Variants in DIAPH3 observed in about 807,000 individuals in gnomAD.
DIAPH3 encodes diaphanous related formin 3, also known as protein diaphanous homolog 3.
In DIAPH3, 117 loss-of-function variants were observed where a neutral mutation model predicts 144.3. The ratio of observed to expected loss-of-function variants is 0.81; its 90% confidence interval spans 0.70 to 0.95. DIAPH3 has a LOEUF of 0.95. Ranked by LOEUF, DIAPH3 falls within the 40% of genes least tolerant of loss-of-function variation. The pLI is 0.00. For missense variants in DIAPH3, 1,421 were observed against 1,412.7 expected (o/e 1.01, Z -0.09); for synonymous variants, 519 against 488.9 (o/e 1.06, Z -0.81).
At chr13:60,010,766 AT>A in intron 7 of DIAPH3, 97 bp from the exon 8 acceptor site, 3 of 1,212,344 alleles carry the variant, frequency 2.5e-6, no homozygotes, top group Non-Finnish European at 3.5e-6. Context: ...TTTATAGGAC[AT>A]TTTTACACTT....
In DIAPH3 at chr13:59,743,460, G is replaced by A. The variant is rs112122997; in HGVS notation, c.3319+30729C>T. On this transcript the variant is annotated intron_variant, in intron 27 of 27. Transcript: ENST00000400324. Reference sequence around the variant, plus strand: ...TTGGTGTTTGGGAGGTGAGATAAGAGGACAGAGATGTACCTTGTTGGGGGT... The same window carrying A: ...TTGGTGTTTGGGAGGTGAGATAAGAAGACAGAGATGTACCTTGTTGGGGGT... 4.8e-3 allele frequency among the ~76,000 whole-genome samples: 728 copies of A among 152,202 alleles called. 4 individuals are homozygous for A. The highest frequency in any genetic ancestry group is 7.7e-3 in the Non-Finnish European group (526 of 68,004).
intron 27 of DIAPH3, among the ~76,000 whole-genome samples, chr13:59,687,586 C>T (rs1218551854): frequency 1.3e-5 from 2 of 151,958 alleles, no homozygotes; most frequent in Non-Finnish European, 2.9e-5. Context: ...GATAAGACGT[C>T]AGGACAAAAT....
At chr13:59,880,978 C>CAAAAA (rs77481523) in intron 20 of DIAPH3, among the ~76,000 whole-genome samples, 787 of 64,624 alleles carry the variant, frequency 0.012, 7 homozygotes, top group Admixed American at 0.072. Context: ...CAACAAGGAC[C>CAAAAA]AAAAAAAAAA....
chr13:59,875,755 T>C (rs1566450909), intron 21 of DIAPH3, among the ~76,000 whole-genome samples: 1 of 152,190 alleles, frequency 6.6e-6, no homozygotes, highest in Non-Finnish European at 1.5e-5. Context: ...AATTCAGTTA[T>C]GTTTACCTTA....
chr13:60,051,539 G>A (rs2056344960), intron 4 of DIAPH3, among the ~76,000 whole-genome samples: 1 of 152,050 alleles, frequency 6.6e-6, no homozygotes. Context: ...ACAATTGCTT[G>A]AACCTGGGAA....
intron 24 of DIAPH3, among the ~76,000 whole-genome samples, chr13:59,823,298 T>A (rs1046741654): frequency 1.3e-5 from 2 of 152,176 alleles, no homozygotes; most frequent in Non-Finnish European, 2.9e-5. Flanking sequence ...CAGAATTAAA[T>A]TATTTTTCAA....
At chr13:59,948,846 AAGG>A (rs2048940411) in intron 17 of DIAPH3, among the ~76,000 whole-genome samples, 2 of 63,046 alleles carry the variant, frequency 3.2e-5, no homozygotes, top group East Asian at 8.7e-4. Context: ...AGAAAGAAGG[AAGG>A]AAGGAAGGAA....
Position 59,983,837 on chromosome 13 carries a change from T to C in DIAPH3, c.1412A>G (p.His471Arg), listed in dbSNP as rs1486739426. 7 of 1,610,186 alleles carry C rather than the reference T, an allele frequency of 4.3e-6. No homozygotes were observed. The African/African-American group carries it at 8.0e-5, about 18-fold the overall frequency. Residue 471 changes from histidine (H) to arginine (R), a missense_variant, in exon 13 of 28, where the codon CAT (histidine) becomes CGT (arginine). His to Arg is a conservative substitution (Grantham distance 29). Coordinates refer to ENST00000400324, the MANE Select transcript of DIAPH3 (RefSeq NM_001042517.2). ...IDECVSQIVL[H>R]RDGMDPDFTY... Reference sequence around the variant, plus strand: ...GAAGTCTGGATCCATTCCATCTCTATGCAATACAATCTGGGATACACACTC... The same window carrying C: ...GAAGTCTGGATCCATTCCATCTCTACGCAATACAATCTGGGATACACACTC...
chr13:59,715,999 T>C (rs1029338838), intron 27 of DIAPH3, among the ~76,000 whole-genome samples: 5 of 152,132 alleles, frequency 3.3e-5, no homozygotes, highest in African/African-American at 1.2e-4. Flanking sequence ...GTTAAATACA[T>C]TTAAAGTCTT....
At chr13:59,757,641 C>T (rs1944905654) in intron 27 of DIAPH3, among the ~76,000 whole-genome samples, 1 of 151,992 alleles carries the variant, frequency 6.6e-6, no homozygotes, top group Admixed American at 6.6e-5. Context: ...ACCTCGTGAT[C>T]CGCCCACCTC....
At chr13:59,830,489 ATG>A (rs2139703933) in intron 24 of DIAPH3, among the ~76,000 whole-genome samples, 1 of 151,866 alleles carries the variant, frequency 6.6e-6, no homozygotes, top group East Asian at 1.9e-4. Context: ...GTACACATGA[ATG>A]TGTGTGTGGT....
rs756272043 is a variant in DIAPH3, at chr13:60,010,542, T to TCC, written c.897_898dup (p.Glu300GlyfsTer10). On this transcript the variant is annotated frameshift_variant, in exon 8 of 28. Coordinates refer to ENST00000400324, the MANE Select transcript of DIAPH3 (RefSeq NM_001042517.2). LOFTEE classifies it high-confidence loss of function. Reference sequence around the variant, plus strand: ...TGTTGATAACACTTACATGCTTTCTTCCCCTACAATGCATACCGCAGAGAG... The same window carrying TCC: ...TGTTGATAACACTTACATGCTTTCTTCCCCCCTACAATGCATACCGCAGAGAG... 1 of 1,597,526 alleles carries TCC rather than the reference T, an allele frequency of 6.3e-7. No individual in the cohort carries two copies. Among genetic ancestry groups the TCC allele is most frequent in the South Asian group, 1.1e-5 (1 of 89,244 alleles).
chr13:60,010,512 G>C (rs902216657), intron 8 of DIAPH3, 21 bp downstream of exon 8: 23 of 1,550,672 alleles, frequency 1.5e-5, no homozygotes, highest in Non-Finnish European at 2.0e-5. Context: ...ATAATTAGGG[G>C]AATATGTTGA....
intron 22 of DIAPH3, among the ~76,000 whole-genome samples, chr13:59,847,514 CATCTCAAAGGAA>C (rs913116472): frequency 2.8e-4 from 43 of 152,270 alleles, no homozygotes; most frequent in African/African-American, 1.0e-3. Flanking sequence ...GGGAGAAGCC[CATCTCAAAGGAA>C]ATCATGTTTA....
intron 4 of DIAPH3, among the ~76,000 whole-genome samples, chr13:60,050,821 G>A (rs1373472921): frequency 6.2e-5 from 2 of 32,364 alleles, no homozygotes; most frequent in Admixed American, 3.0e-4. Context: ...CAGAAACAAC[G>A]TGAAACAAGG....
rs2051873907 is a variant in DIAPH3 at position 59,992,265 on chromosome 13, AACC to A, written c.1126-82_1126-80del. On this transcript the variant is annotated intron_variant, in intron 10 of 27. Coordinates refer to ENST00000400324, the MANE Select transcript of DIAPH3 (RefSeq NM_001042517.2). ...AAGAATAAAAAACATATAAACAATA[AACC>A]AACCATTCAACTTGATTTATAGCAT... The A allele has an allele frequency of 1.6e-5, 20 of 1,241,370 alleles. No homozygotes were observed. In the South Asian group the frequency reaches 2.6e-4, roughly 16 times the overall value. The allele number at this position is 1,241,370 out of a possible 1,614,324, so 76.9% of individuals were successfully genotyped here.
chr13:59,928,445 T>C (rs189143544), intron 17 of DIAPH3, among the ~76,000 whole-genome samples: 175 of 152,340 alleles, frequency 1.1e-3, no homozygotes, highest in Non-Finnish European at 5.0e-4. Context: ...TCATGTTTCC[T>C]TTCTTTTTCA....
chr13:59,708,535 G>C (rs2034553576), intron 27 of DIAPH3, among the ~76,000 whole-genome samples: 1 of 152,140 alleles, frequency 6.6e-6, no homozygotes, highest in Admixed American at 6.5e-5. Flanking sequence ...GTCACTCTCT[G>C]CTACCTGAAA....
chr13:59,685,077 T>A (rs950379426), intron 27 of DIAPH3, among the ~76,000 whole-genome samples: 2 of 152,096 alleles, frequency 1.3e-5, no homozygotes, highest in African/African-American at 4.8e-5. Flanking sequence ...AGTTTGAGGA[T>A]TTCAGGGCAC....
Sources: gnomAD v4.1 joint callset for allele counts (sites outside exome capture counted in the v4.1 genomes callset) on GRCh38, gnomAD v4.1.1 for gene constraint, MANE v1.5 for transcripts, NCBI Gene and HGNC (gene_info 2026-07-23, HGNC 2026-07-21) for gene names.